Variants in VPS50 observed in about 807,000 individuals in gnomAD.
The protein encoded by VPS50 is VPS50 subunit of EARP/GARPII complex, also known as syndetin.
A neutral mutation model predicts 139.7 loss-of-function variants in VPS50; 70 were observed. The ratio of observed to expected loss-of-function variants is 0.50; its 90% CI spans 0.41 to 0.61. The LOEUF (loss-of-function observed/expected upper bound fraction) is 0.61, where lower values mean the gene tolerates loss of function less well. Ranked by LOEUF, VPS50 falls within the 20% of genes least tolerant of loss-of-function variation. VPS50 has a pLI of 0.00. For missense variants in VPS50, 921 were observed against 1,133.7 expected, an observed-to-expected ratio of 0.81 and a Z score of 2.69; for synonymous variants, 365 against 376.7, an observed-to-expected ratio of 0.97 and a Z score of 0.36.
At chr7:93,285,508 T>G (rs1321605339) in intron 12 of VPS50, among the ~76,000 whole-genome samples, 1 of 152,214 alleles carries the variant, frequency 6.6e-6, no homozygotes, top group Non-Finnish European at 1.5e-5. Flanking sequence ...TTAAATAACT[T>G]TCAGAAGATG....
chr7:93,343,617 A>G (rs1022216069), intron 23 of VPS50, among the ~76,000 whole-genome samples: 7 of 152,242 alleles, frequency 4.6e-5, no homozygotes, highest in Admixed American at 2.6e-4. Flanking sequence ...GAAGCCCATC[A>G]GACTAACAGC....
chr7:93,256,291 G>C, intron 4 of VPS50: 1 of 310,072 alleles, frequency 3.2e-6, no homozygotes, highest in East Asian at 4.8e-5. Flanking sequence ...TTGAGTTTCT[G>C]TTAAGGACCA....
In VPS50 at chr7:93,324,639, T is replaced by A. The variant is rs557794458; in HGVS notation, c.1977+907T>A. On this transcript the variant is annotated intron_variant, in intron 21 of 27. Coordinates refer to ENST00000305866, the MANE Select transcript of VPS50 (RefSeq NM_017667.4). ...CCTTGCAAAATCACAAGCATTCTTATACACCAATAACAGTCAAACAGAGAG... is the reference window on the plus strand; with the variant it reads ...CCTTGCAAAATCACAAGCATTCTTAAACACCAATAACAGTCAAACAGAGAG... Among the ~76,000 whole-genome samples the A allele has an allele frequency of 2.8e-4, 42 of 152,298 alleles. No individual in the cohort carries two copies. In the East Asian group the frequency reaches 7.7e-3, roughly 28 times the overall value.
chr7:93,306,945 C>T (rs1192806695), intron 18 of VPS50, among the ~76,000 whole-genome samples: 1 of 151,398 alleles, frequency 6.6e-6, no homozygotes, highest in African/African-American at 2.4e-5. Flanking sequence ...AATTATGATT[C>T]AGTGATTCTT....
At chr7:93,255,858 GC>G (rs1795469079) in intron 4 of VPS50, among the ~76,000 whole-genome samples, 1 of 152,158 alleles carries the variant, frequency 6.6e-6, no homozygotes, top group African/African-American at 2.4e-5. Context: ...TGTGTGTCCT[GC>G]TTCATGCCTC....
intron 22 of VPS50, among the ~76,000 whole-genome samples, chr7:93,337,195 A>G (rs1047406612): frequency 6.6e-6 from 1 of 152,218 alleles, no homozygotes; most frequent in East Asian, 1.9e-4. Flanking sequence ...CTCAAATGCC[A>G]GGCTTACAAC....
intron 10 of VPS50, 124 bp downstream of exon 10, chr7:93,271,386 T>C (rs1311496614): frequency 2.3e-6 from 3 of 1,310,338 alleles, no homozygotes; most frequent in African/African-American, 1.5e-5. Flanking sequence ...CTGTATTTCT[T>C]GATTTTCATT....
rs1258314925 is a variant in VPS50, at chr7:93,347,825, G to T, written c.2208-886G>T. ...GAAACATCACACTCTGGGGACTGTT[G>T]TGGGGTGGGGGGAGGGGGGAGGGAT... On this transcript the variant is annotated intron_variant, in intron 23 of 27. Coordinates refer to ENST00000305866, the MANE Select transcript of VPS50 (RefSeq NM_017667.4). Among the ~76,000 whole-genome samples, 4 of 116,778 alleles carry T rather than the reference G, an allele frequency of 3.4e-5. No individual in the cohort carries two copies. The East Asian group carries it at 9.2e-4, about 27-fold the overall frequency. 76.6% of individuals were successfully genotyped at this position (116,778 alleles called of 152,430 possible).
intron 23 of VPS50, among the ~76,000 whole-genome samples, chr7:93,342,244 C>G (rs866304863): frequency 1.3e-5 from 2 of 152,318 alleles, no homozygotes; most frequent in East Asian, 3.9e-4. Flanking sequence ...TGGGTCACTC[C>G]CACCCGAATA....
intron 9 of VPS50, among the ~76,000 whole-genome samples, chr7:93,268,988 G>C (rs1477754277): frequency 2.0e-5 from 3 of 152,142 alleles, no homozygotes; most frequent in Non-Finnish European, 4.4e-5. Context: ...TACATATAGA[G>C]AGGGAAGAAT....
At chr7:93,271,199 T>C (rs932410135) in intron 9 of VPS50, 21 bp from the exon 10 acceptor site, 155 of 1,556,604 alleles carry the variant, frequency 1.0e-4, no homozygotes, top group Non-Finnish European at 1.3e-4. Flanking sequence ...AGAAAAAAAC[T>C]GTTTTTTTTT....
At chr7:93,236,915 A>ACATACAT (rs1341940874) in intron 1 of VPS50, among the ~76,000 whole-genome samples, 1 of 141,544 alleles carries the variant, frequency 7.1e-6, no homozygotes, top group Non-Finnish European at 1.5e-5. Flanking sequence ...TTGGCTTCTC[A>ACATACAT]CATACATGAC....
chr7:93,333,502 G>A (rs564187419), intron 21 of VPS50, among the ~76,000 whole-genome samples: 1 of 152,054 alleles, frequency 6.6e-6, no homozygotes, highest in African/African-American at 2.4e-5. Flanking sequence ...TTTCATCAAT[G>A]GAATCATCAC....
intron 12 of VPS50, among the ~76,000 whole-genome samples, chr7:93,282,339 G>T (rs1446121211): frequency 6.6e-6 from 1 of 152,100 alleles, no homozygotes; most frequent in Non-Finnish European, 1.5e-5. Context: ...GGATATTTAT[G>T]TTATTTCCAG....
chr7:93,258,373 G>A lies in VPS50; in HGVS notation c.557G>A (p.Arg186Gln), dbSNP rs1795556052. The change falls in exon 8 of 28, where the codon CGG (arginine) becomes CAG (glutamine). Residue 186 changes from arginine to glutamine, a missense_variant. By Grantham distance (43) the Arg-to-Gln change is conservative. Around this residue, in one of 3 missense-constraint regions of VPS50, gnomAD observed 744 missense variants for 930.6 expected, o/e 0.80. Coordinates refer to ENST00000305866, the MANE Select transcript of VPS50 (RefSeq NM_017667.4). ...TIKTLQRTDV[R>Q]LSEMLEEEDY... Reference sequence around the variant, plus strand: ...TTTTTTCAGCAAAGAACAGATGTACGGTTAAGTGAAATGCTGGAGGTAAGT... The same window carrying A: ...TTTTTTCAGCAAAGAACAGATGTACAGTTAAGTGAAATGCTGGAGGTAAGT... 3.7e-6 allele frequency: 6 copies of A among 1,612,864 alleles called. No homozygotes were observed. Among genetic ancestry groups the A allele is most frequent in the Non-Finnish European group, 5.1e-6 (6 of 1,179,164 alleles).
rs540950315 is a variant in VPS50 at position 93,278,572 on chromosome 7, G to T, written c.942+2267G>T. ...AGATCACACCACTGCACTCCAGCCTGGGCGACAGACTCTGTCTCAAAAAAA... is the reference window on the plus strand; with the variant it reads ...AGATCACACCACTGCACTCCAGCCTTGGCGACAGACTCTGTCTCAAAAAAA... On this transcript the variant is annotated intron_variant, in intron 12 of 27. Coordinates refer to ENST00000305866, the MANE Select transcript of VPS50 (RefSeq NM_017667.4). Among the ~76,000 whole-genome samples, 22 of 148,292 alleles carry T rather than the reference G, an allele frequency of 1.5e-4. No homozygotes were observed. The South Asian group carries it at 4.7e-3, about 32-fold the overall frequency.
At chr7:93,318,892 G>A (rs1007965316) in intron 20 of VPS50, among the ~76,000 whole-genome samples, 2 of 152,046 alleles carry the variant, frequency 1.3e-5, no homozygotes, top group African/African-American at 4.8e-5. Flanking sequence ...CTTTGAAAAT[G>A]TGTAAGTTTA....
intron 21 of VPS50, among the ~76,000 whole-genome samples, chr7:93,329,203 A>G (rs1797866398): frequency 6.6e-6 from 1 of 152,324 alleles, no homozygotes; most frequent in Middle Eastern, 3.4e-3. Flanking sequence ...AAAACAAAAT[A>G]TATTTTAAAT....
intron 13 of VPS50, among the ~76,000 whole-genome samples, chr7:93,293,880 G>C (rs1202911228): frequency 6.6e-6 from 1 of 152,054 alleles, no homozygotes; most frequent in Non-Finnish European, 1.5e-5. Flanking sequence ...CCTTTTACTG[G>C]TTATCAGTGG....
Sources: allele counts gnomAD v4.1 joint callset (sites outside exome capture counted in the v4.1 genomes callset), GRCh38; gene constraint gnomAD v4.1.1; regional missense constraint gnomAD v4.1.1; transcripts MANE v1.5; gene names NCBI Gene and HGNC (gene_info 2026-07-23, HGNC 2026-07-21).